Variants in PAK3 observed in about 807,000 individuals in gnomAD.
PAK3 encodes the protein serine/threonine-protein kinase PAK 3.
A neutral mutation model predicts 41.0 loss-of-function variants in PAK3; 4 were observed. The observed-to-expected ratio is 0.10, with a 90% CI of 0.05 to 0.22. The LOEUF (loss-of-function observed/expected upper bound fraction) is 0.22, where lower values mean the gene tolerates loss of function less well. Among genes scored for constraint, PAK3 ranks in the 10% least tolerant of loss-of-function variants. PAK3 has a pLI of 1.00. For missense variants in PAK3, 205 were observed against 409.9 expected (o/e 0.50, Z 4.32); for synonymous variants, 146 against 139.6 (o/e 1.05, Z -0.32).
chrX:111,038,449 C>T (rs2092421427), intron 1 of PAK3, among the ~76,000 whole-genome samples: 1 of 112,144 alleles, frequency 8.9e-6, no homozygotes, highest in Non-Finnish European at 1.9e-5. Flanking sequence ...CTTGAATCTA[C>T]CTTGCAGTCA....
chrX:111,116,564 G>C (rs1420214064), intron 4 of PAK3, among the ~76,000 whole-genome samples: 1 of 112,040 alleles, frequency 8.9e-6, no homozygotes, highest in Non-Finnish European at 1.9e-5. Context: ...CTTATATGCA[G>C]TATATGGAGT....
chrX:110,969,068 A>C (rs1394209715), intron 1 of PAK3, among the ~76,000 whole-genome samples: 10 of 93,731 alleles, frequency 1.1e-4, no homozygotes, highest in Middle Eastern at 0.015. Context: ...GCTGGGATTA[A>C]AGGCATGTGC....
chrX:111,116,620 G>A (rs944088102), intron 4 of PAK3, among the ~76,000 whole-genome samples: 3 of 112,166 alleles, frequency 2.7e-5, no homozygotes, highest in South Asian at 3.7e-4. Context: ...GCAACCTGAC[G>A]TTGAAATTTG....
At chrX:111,196,854 CTTTTT>C (rs375476309) in intron 16 of PAK3, among the ~76,000 whole-genome samples, 1 of 79,237 alleles carries the variant, frequency 1.3e-5, no homozygotes, top group Non-Finnish European at 2.5e-5. Context: ...TTCTTTCTTT[CTTTTT>C]TTTTTTTTTT....
intron 3 of PAK3, among the ~76,000 whole-genome samples, chrX:111,099,487 G>A (rs2093081887): frequency 9.1e-6 from 1 of 110,350 alleles, no homozygotes; most frequent in Admixed American, 9.5e-5. Context: ...CTGGTGGGAA[G>A]AGGAAATCAT....
chrX:111,037,957 G>A (rs994327618), intron 1 of PAK3, among the ~76,000 whole-genome samples: 2 of 110,877 alleles, frequency 1.8e-5, no homozygotes, highest in African/African-American at 6.6e-5. Context: ...AGGCTTTAGT[G>A]ACAAAAAGAT....
At chrX:111,129,318 T>C (rs2093688285) in intron 5 of PAK3, among the ~76,000 whole-genome samples, 1 of 111,775 alleles carries the variant, frequency 8.9e-6, no homozygotes, top group Non-Finnish European at 1.9e-5. Flanking sequence ...AGGGTTCTGT[T>C]ATCAGAAAGC....
At chrX:111,005,723 A>G (rs1465408956) in intron 1 of PAK3, among the ~76,000 whole-genome samples, 1 of 111,920 alleles carries the variant, frequency 8.9e-6, no homozygotes, top group Non-Finnish European at 1.9e-5. Flanking sequence ...GCTCTTCTCT[A>G]ATTCTAGGTA....
At position 111,134,719 on chromosome X, in the gene PAK3, T is replaced by A. The variant is rs1192824784; in HGVS notation, c.176-7377T>A. ...GAAGGGGTGGTTAGGGAAGGCTTCC[T>A]GGAGGAGAGGATTATTGAACTGAGG... On this transcript the variant is annotated intron_variant, in intron 5 of 17. Transcript: ENST00000372007. Among the ~76,000 whole-genome samples the A allele has an allele frequency of 2.7e-5, 3 of 111,248 alleles. No individual in the cohort carries two copies. In the Admixed American group the frequency reaches 2.9e-4, roughly 11 times the overall value.
intron 1 of PAK3, among the ~76,000 whole-genome samples, chrX:110,950,681 C>A (rs965212820): frequency 2.7e-5 from 3 of 111,775 alleles, no homozygotes; most frequent in Non-Finnish European, 5.6e-5. Context: ...GTAATATAAT[C>A]TCTTTAATCC....
chrX:111,098,525 A>G (rs781340301), intron 3 of PAK3: 2 of 111,152 alleles, frequency 1.8e-5, no homozygotes, highest in Non-Finnish European at 3.8e-5. Context: ...GATTCTAGAT[A>G]TTTAAAATCA....
chrX:111,179,898 A>G (rs1343311988), intron 11 of PAK3, among the ~76,000 whole-genome samples: 1 of 111,197 alleles, frequency 9.0e-6, no homozygotes, highest in Non-Finnish European at 1.9e-5. Flanking sequence ...AACTGGGATT[A>G]CAGGCGTGTG....
At chrX:111,052,201 A>G (rs145360114) in intron 1 of PAK3, among the ~76,000 whole-genome samples, 3,370 of 112,192 alleles carry the variant, frequency 0.03, 114 homozygotes, top group African/African-American at 0.1. Context: ...TGAGGGAGGG[A>G]AAATTAACAT....
intron 11 of PAK3, among the ~76,000 whole-genome samples, chrX:111,190,989 T>G (rs754712096): frequency 1.8e-5 from 2 of 112,427 alleles, no homozygotes; most frequent in Admixed American, 9.4e-5. Flanking sequence ...TTACTGTGAA[T>G]GCAGCTTACT....
intron 1 of PAK3, among the ~76,000 whole-genome samples, chrX:110,990,634 G>T (rs1171768884): frequency 9.2e-6 from 1 of 109,044 alleles, no homozygotes; most frequent in Non-Finnish European, 1.9e-5. Context: ...GGCTAGGGCT[G>T]GCAGGAGTTA....
intron 1 of PAK3, among the ~76,000 whole-genome samples, chrX:110,997,903 A>T (rs1367768929): frequency 9.0e-6 from 1 of 111,336 alleles, no homozygotes. Context: ...ACACAGCAAG[A>T]AGATGCCGTC....
intron 1 of PAK3, among the ~76,000 whole-genome samples, chrX:111,062,338 G>C (rs2092663602): frequency 8.9e-6 from 1 of 112,143 alleles, no homozygotes; most frequent in Non-Finnish European, 1.9e-5. Context: ...ATAAGTTTAT[G>C]AAGATAAGTT....
intron 4 of PAK3, among the ~76,000 whole-genome samples, chrX:111,120,957 G>A (rs1363373188): frequency 8.9e-6 from 1 of 111,881 alleles, no homozygotes; most frequent in Admixed American, 9.5e-5. Flanking sequence ...TGCCACTGGT[G>A]AAGTCAGTCT....
chrX:111,220,172 A>C (rs1230173364), intron 17 of PAK3, among the ~76,000 whole-genome samples, 186 bp from the exon 18 acceptor site: 4 of 112,164 alleles, frequency 3.6e-5, no homozygotes, highest in African/African-American at 1.3e-4. Context: ...CAGCTTCCAG[A>C]GGATTTCATG....
Sources: gnomAD v4.1 joint callset for allele counts (sites outside exome capture counted in the v4.1 genomes callset) on GRCh38, gnomAD v4.1.1 for gene constraint, MANE v1.5 for transcripts, NCBI Gene and HGNC (gene_info 2026-07-23, HGNC 2026-07-21) for gene names.